Variants in NUPR1 observed in about 807,000 individuals in gnomAD.
NUPR1 encodes nuclear protein 1.
Under a neutral mutation model 7.3 loss-of-function variants are expected in NUPR1, and 8 were observed. That is an observed-to-expected ratio of 1.09 (90% CI 0.64 to 1.97). NUPR1 has a LOEUF of 1.97. NUPR1 is among the 30% of genes most tolerant of loss of function. NUPR1 has a pLI of 0.00. For missense variants in NUPR1, 96 were observed against 111.7 expected (o/e 0.86, Z 0.63); for synonymous variants, 39 against 44.5 (o/e 0.88, Z 0.49).
chr16:28,535,547 C>CTTTCTTTCTT lies in NUPR1; in HGVS notation c.*2126_*2135dup, dbSNP rs2046607461. ...TCTTTCTTTCTTTCTTTCTTTCCTT[C>CTTTCTTTCTT]TTTCTTTCTTTCTTTCCTTCCTTCC... On this transcript the variant is annotated 3_prime_UTR_variant, in exon 3 of 3. Coordinates refer to ENST00000324873, the MANE Select transcript of NUPR1 (RefSeq NM_012385.3). 1 of 27,358 alleles carries CTTTCTTTCTT rather than the reference C, an allele frequency of 3.7e-5. No individual in the cohort carries two copies. 1.7% of individuals were successfully genotyped at this position (27,358 alleles called of 1,614,324 possible).
rs577768733 is a variant in NUPR1 at position 28,536,291 on chromosome 16, T to G, written c.*1392A>C. ...TAGCTTGAACCCAGGAGGCGGAGGT[T>G]GCAGTGAGCTGCGATCATGCCACTG... On this transcript the variant is annotated 3_prime_UTR_variant, in exon 3 of 3. Transcript: ENST00000324873. 6.6e-6 allele frequency: 1 copy of G among 152,148 alleles called. No individual in the cohort carries two copies. Among genetic ancestry groups the G allele is most frequent in the African/African-American group, 2.4e-5 (1 of 41,472 alleles). 9.4% of individuals were successfully genotyped at this position (152,148 alleles called of 1,614,324 possible).
At position 28,533,122 on chromosome 16, in the gene NUPR1, G is replaced by A. The variant is rs1347643557; in HGVS notation, c.*4561C>T. 1 of 152,256 alleles carries A rather than the reference G, an allele frequency of 6.6e-6. No individual in the cohort carries two copies. The highest frequency in any genetic ancestry group is 2.4e-5 in the African/African-American group (1 of 41,440). The allele number at this position is 152,256 out of a possible 1,614,324, so 9.4% of individuals were successfully genotyped here. On this transcript the variant is annotated 3_prime_UTR_variant, in exon 3 of 3. Coordinates refer to ENST00000324873, the MANE Select transcript of NUPR1 (RefSeq NM_012385.3). Reference sequence around the variant, plus strand: ...AGAGCTGATGGTGGCCCTATTCCTGGTTCCAGTCATATCAGGATTCTATTT... The same window carrying A: ...AGAGCTGATGGTGGCCCTATTCCTGATTCCAGTCATATCAGGATTCTATTT...
intron 2 of NUPR1, 109 bp from the exon 3 acceptor site, chr16:28,537,778 T>G (rs186984097): frequency 0.011 from 5,323 of 499,676 alleles, 55 homozygotes; most frequent in South Asian, 0.012. Flanking sequence ...ACCCTCTCTA[T>G]CCTCAATTTC....
intron 1 of NUPR1, among the ~76,000 whole-genome samples, chr16:28,538,371 G>A (rs565343663): frequency 1.1e-4 from 17 of 152,266 alleles, no homozygotes; most frequent in Non-Finnish European, 2.4e-4. Flanking sequence ...GGTGACGTGA[G>A]GGTCCAAGGA....
rs760187453 is a variant in NUPR1 at position 28,538,703 on chromosome 16, GAGGAA to G, written c.112+88_112+92del. The G allele has an allele frequency of 4.0e-6, 4 of 1,008,636 alleles. No individual in the cohort carries two copies. In the Admixed American group the frequency reaches 5.4e-5, roughly 14 times the overall value. The allele number at this position is 1,008,636 out of a possible 1,614,324, so 62.5% of individuals were successfully genotyped here. On this transcript the variant is annotated intron_variant, in intron 1 of 2. Transcript: ENST00000324873. ...AAAAAAAAAGAAAGAAAGAAACGAA[GAGGAA>G]AGGAAAGGAAATGAGAGGAAACAAG...
rs2046611333 is a variant in NUPR1 at position 28,535,579 on chromosome 16, T to TCTTTCTTTCCTTC, written c.*2103_*2104insGAAGGAAAGAAAG. 6 of 39,160 alleles carry TCTTTCTTTCCTTC rather than the reference T, an allele frequency of 1.5e-4. No homozygotes were observed. Among genetic ancestry groups the TCTTTCTTTCCTTC allele is most frequent in the African/African-American group, 5.3e-4 (4 of 7,484 alleles). The allele number at this position is 39,160 out of a possible 1,614,324, so 2.4% of individuals were successfully genotyped here. A position where few individuals can be genotyped will look rare whatever the true frequency, so the allele number is the denominator to read the frequency against. ...TCTTTCTTTCCTTCCTTCCTTTCTT[T>TCTTTCTTTCCTTC]CTTTCTTTCTTTCTTTCTTTCTTTC... On this transcript the variant is annotated 3_prime_UTR_variant, in exon 3 of 3. Transcript: ENST00000324873.
chr16:28,534,134 C>CA lies in NUPR1; in HGVS notation c.*3548dup, dbSNP rs1480319318. ...GGCGACAGAGAGAGACTCCATCTCC[C>CA]AAAACAAAACAAAAAAATTCAGCAA... On this transcript the variant is annotated 3_prime_UTR_variant, in exon 3 of 3. Transcript: ENST00000324873. The CA allele has an allele frequency of 1.3e-4, 20 of 152,022 alleles. No homozygotes were observed. The highest frequency in any genetic ancestry group is 1.2e-3 in the Admixed American group (19 of 15,232). 9.4% of individuals were successfully genotyped at this position (152,022 alleles called of 1,614,324 possible).
At position 28,538,024 on chromosome 16, in the gene NUPR1, G is replaced by A. The variant is rs374892364; in HGVS notation, c.244C>T (p.Arg82Cys). ...TCCTTACCTCCAGCTCTGTCTCAGC[G>A]CCGTGCCCCTCGCTTCTTCCTCTCT... The part of the protein sequence containing the change: ...NSERKKRGAR[R>C] Residue 82 changes from arginine to cysteine, a missense_variant, in exon 2 of 3, where the codon CGC becomes TGC. Transcript: ENST00000324873. 2.2e-4 allele frequency: 347 copies of A among 1,613,052 alleles called. No individual in the cohort carries two copies. The highest frequency in any genetic ancestry group is 2.7e-4 in the East Asian group (12 of 44,860).
chr16:28,538,011 G>T lies in NUPR1; in HGVS notation c.*8C>A. The T allele has an allele frequency of 6.2e-7, 1 of 1,610,454 alleles. No homozygotes were observed. Among genetic ancestry groups the T allele is most frequent in the Non-Finnish European group, 8.5e-7 (1 of 1,177,760 alleles). On this transcript the variant is annotated 3_prime_UTR_variant, in exon 2 of 3. Transcript: ENST00000324873. ...TGGGCCCCCCGACTCCTTACCTCCA[G>T]CTCTGTCTCAGCGCCGTGCCCCTCG...
At chr16:28,538,227 G>A (rs201919627) in intron 1 of NUPR1, 72 bp from the exon 2 acceptor site, 1 of 1,609,090 alleles carries the variant, frequency 6.2e-7, no homozygotes, top group East Asian at 2.2e-5. Flanking sequence ...AGGAGAGGCA[G>A]GGGTTCAGGG....
rs58048043 is a variant in NUPR1, at chr16:28,535,623, C to CTTTCTT, written c.*2059_*2060insAAGAAA. 3 of 90,678 alleles carry CTTTCTT rather than the reference C, an allele frequency of 3.3e-5. No individual in the cohort carries two copies. Among genetic ancestry groups the CTTTCTT allele is most frequent in the African/African-American group, 9.9e-5 (2 of 20,282 alleles). The allele number at this position is 90,678 out of a possible 1,614,324, so 5.6% of individuals were successfully genotyped here. A position where few individuals can be genotyped will look rare whatever the true frequency, so the allele number is the denominator to read the frequency against. ...TTCTTTCTTTCTTTCTTTCTTTCTT[C>CTTTCTT]TCTTTCTCTCTCTTTCTTCTTTTTC... is the stretch of plus-strand genomic sequence containing the variant. On this transcript the variant is annotated 3_prime_UTR_variant, in exon 3 of 3. Coordinates refer to ENST00000324873, the MANE Select transcript of NUPR1 (RefSeq NM_012385.3).
chr16:28,538,357 CAG>C (rs878913385), intron 1 of NUPR1: 68 of 734,952 alleles, frequency 9.3e-5, no homozygotes, highest in African/African-American at 4.2e-4. Flanking sequence ...AGGGATTAGA[CAG>C]GGGTGACGTG....
At chr16:28,537,977 T>A (rs372230884) in intron 2 of NUPR1, 29 bp downstream of exon 2, 3 of 1,575,194 alleles carry the variant, frequency 1.9e-6, no homozygotes, top group Non-Finnish European at 2.6e-6. Context: ...AGCACCACCT[T>A]GAGCTCTCTG....
chr16:28,538,376 C>T lies in NUPR1; in HGVS notation c.113-221G>A, dbSNP rs749496111. 11 of 639,636 alleles carry T rather than the reference C, an allele frequency of 1.7e-5. 1 individual carries two copies. The highest frequency in any genetic ancestry group is 2.9e-5 in the Non-Finnish European group (11 of 372,984). The allele number at this position is 639,636 out of a possible 1,614,324, so 39.6% of individuals were successfully genotyped here. On this transcript the variant is annotated intron_variant, in intron 1 of 2. Coordinates refer to ENST00000324873, the MANE Select transcript of NUPR1 (RefSeq NM_012385.3). ...ATTAGACAGGGGTGACGTGAGGGTC[C>T]AAGGAACAGGTTGGCTAGAAAAGGG...
At position 28,535,262 on chromosome 16, in the gene NUPR1, C is replaced by A. The variant is rs905680208; in HGVS notation, c.*2421G>T. ...ATTTCCTTCCCTCCTTTCCTCCTTC[C>A]CTCCTTCCCTCCCTCCTTTCCTTCC... is the stretch of plus-strand genomic sequence containing the variant. On this transcript the variant is annotated 3_prime_UTR_variant, in exon 3 of 3. Transcript: ENST00000324873. 2 of 152,046 alleles carry A rather than the reference C, an allele frequency of 1.3e-5. No individual in the cohort carries two copies. Among genetic ancestry groups the A allele is most frequent in the African/African-American group, 2.4e-5 (1 of 41,362 alleles). 9.4% of individuals were successfully genotyped at this position (152,046 alleles called of 1,614,324 possible).
rs1009409529 is a variant in NUPR1, at chr16:28,534,574, G to A, written c.*3109C>T. 6.6e-6 allele frequency: 1 copy of A among 152,176 alleles called. No homozygotes were observed. Among genetic ancestry groups the A allele is most frequent in the Non-Finnish European group, 1.5e-5 (1 of 68,046 alleles). The allele number at this position is 152,176 out of a possible 1,614,324, so 9.4% of individuals were successfully genotyped here. ...CAATGTTTCTTGCTAGCTTCTTCGT[G>A]TATTCACTCTCTCTGGTTCCCTTTC... On this transcript the variant is annotated 3_prime_UTR_variant, in exon 3 of 3. Transcript: ENST00000324873.
intron 1 of NUPR1, 122 bp downstream of exon 1, chr16:28,538,674 T>C (rs748447309): frequency 1.2e-6 from 1 of 836,592 alleles, no homozygotes; most frequent in East Asian, 2.6e-5. Flanking sequence ...AGAGTGACTC[T>C]CTCAAAAAAA....
intron 1 of NUPR1, 198 bp from the exon 2 acceptor site, chr16:28,538,353 TA>T: frequency 1.4e-6 from 1 of 737,424 alleles, no homozygotes; most frequent in Non-Finnish European, 2.2e-6. Flanking sequence ...GATAAGGGAT[TA>T]GACAGGGGTG....
In NUPR1 at chr16:28,538,610, C is replaced by T. The variant is rs576558353; in HGVS notation, c.112+186G>A. 240 of 688,202 alleles carry T rather than the reference C, an allele frequency of 3.5e-4. 2 individuals carry two copies. Among genetic ancestry groups the T allele is most frequent in the South Asian group, 2.7e-3 (182 of 66,508 alleles). The allele number at this position is 688,202 out of a possible 1,614,324, so 42.6% of individuals were successfully genotyped here. A position where few individuals can be genotyped will look rare whatever the true frequency, so the allele number is the denominator to read the frequency against. On this transcript the variant is annotated intron_variant, in intron 1 of 2. Transcript: ENST00000324873. ...ACTTGAGCCCAGGAGTTCGAGGCTG[C>T]GGTGAGTTGTTTGAGTTGTTGTGAT...
Sources: allele counts gnomAD v4.1 joint callset (sites outside exome capture counted in the v4.1 genomes callset), GRCh38; gene constraint gnomAD v4.1.1; transcripts MANE v1.5; gene names NCBI Gene and HGNC (gene_info 2026-07-23, HGNC 2026-07-21).